Variants in ZNF83 observed in about 807,000 individuals in gnomAD.
ZNF83 encodes zinc finger protein 83, also known as zinc finger protein 816B.
For missense variants in ZNF83, 552 were observed against 629.9 expected (o/e 0.88, Z 1.32); for synonymous variants, 209 against 213.0 (o/e 0.98, Z 0.17).
chr19:52,626,678 C>T (rs2060749477), intron 2 of ZNF83, among the ~76,000 whole-genome samples: 1 of 151,830 alleles, frequency 6.6e-6, no homozygotes, highest in Non-Finnish European at 1.5e-5. Context: ...CCCACAGTAC[C>T]ATCCCCCGCA....
exon 3 of ZNF83, chr19:52,614,347 C>T (rs1480126548): frequency 1.9e-6 from 3 of 1,612,506 alleles, no homozygotes; most frequent in East Asian, 4.5e-5. Context: ...CACAAAATTA[C>T]ATTCATATGT....
At chr19:52,624,846 A>G (rs2060678914) in intron 2 of ZNF83, among the ~76,000 whole-genome samples, 1 of 151,604 alleles carries the variant, frequency 6.6e-6, no homozygotes, top group African/African-American at 2.4e-5. Flanking sequence ...TCCCAAATCT[A>G]TTTTCTTCCT....
chr19:52,687,651 A>ATG, intron 1 of ZNF83, among the ~76,000 whole-genome samples: 1 of 36,756 alleles, frequency 2.7e-5, no homozygotes. Flanking sequence ...ATATATATAT[A>ATG]TATATAATGT....
At chr19:52,670,505 T>G (rs1372267739) in intron 1 of ZNF83, among the ~76,000 whole-genome samples, 1 of 152,114 alleles carries the variant, frequency 6.6e-6, no homozygotes, top group Non-Finnish European at 1.5e-5. Context: ...AAAAGAAAAT[T>G]TTATATTTGG....
intron 3 of ZNF83, among the ~76,000 whole-genome samples, chr19:52,648,535 CA>C (rs778453781): frequency 1.2e-4 from 19 of 152,176 alleles, no homozygotes; most frequent in Non-Finnish European, 2.4e-4. Flanking sequence ...CTATGTTTTA[CA>C]AATGTCTGTA....
intron 1 of ZNF83, among the ~76,000 whole-genome samples, chr19:52,672,957 A>G (rs1342166900): frequency 6.6e-6 from 1 of 152,206 alleles, no homozygotes; most frequent in African/African-American, 2.4e-5. Flanking sequence ...CTATTATTTC[A>G]TAACACAACA....
At chr19:52,675,792 T>G (rs1238202734) in intron 1 of ZNF83, among the ~76,000 whole-genome samples, 1 of 152,186 alleles carries the variant, frequency 6.6e-6, no homozygotes, top group Non-Finnish European at 1.5e-5. Flanking sequence ...TCCACTAGGA[T>G]AGACCAAATC....
upstream of ZNF83, among the ~76,000 whole-genome samples, chr19:52,639,413 C>CTTTTTTTTTTTTTTTT (rs1206783591): frequency 1.9e-5 from 1 of 53,880 alleles, no homozygotes; most frequent in East Asian, 6.8e-4. Flanking sequence ...TTAGTTTTTT[C>CTTTTTTTTTTTTTTTT]TATTTTTTTT....
rs35106617 is a variant in ZNF83 at position 52,645,010 on chromosome 19, TAA to T, written c.-73-9859_-73-9858del. On this transcript the variant is annotated intron_variant, in intron 3 of 5. Coordinates refer to the ZNF83 transcript ENST00000594682. ...GGGCAACAAGAGCAAAACTCCATCTTAAAAAAAAAAAAAAAAAAAAAGGGGGT... is the reference window on the plus strand; with the variant it reads ...GGGCAACAAGAGCAAAACTCCATCTTAAAAAAAAAAAAAAAAAAAGGGGGT... 1.3e-3 allele frequency among the ~76,000 whole-genome samples: 144 copies of T among 111,110 alleles called. 1 individual carries two copies. Among genetic ancestry groups the T allele is most frequent in the East Asian group, 0.011 (43 of 3,968 alleles). 72.9% of individuals were successfully genotyped at this position (111,110 alleles called of 152,430 possible).
chr19:52,626,757 A>C (rs2147130280), intron 2 of ZNF83, among the ~76,000 whole-genome samples: 1 of 152,286 alleles, frequency 6.6e-6, no homozygotes. Context: ...TAAGGTGTCC[A>C]CGCAGCTCCT....
At chr19:52,631,756 A>C (rs2060970522) in intron 2 of ZNF83, among the ~76,000 whole-genome samples, 1 of 152,072 alleles carries the variant, frequency 6.6e-6, no homozygotes, top group African/African-American at 2.4e-5. Context: ...TGATTTATTG[A>C]TGGCGGTTCC....
chr19:52,624,377 A>C (rs986052449), intron 2 of ZNF83, among the ~76,000 whole-genome samples: 12 of 152,158 alleles, frequency 7.9e-5, no homozygotes, highest in Admixed American at 7.9e-4. Context: ...AACTGTGTCC[A>C]GCTGATCTCT....
chr19:52,635,360 G>A (rs191920070), intron 1 of ZNF83: 147 of 299,520 alleles, frequency 4.9e-4, no homozygotes, highest in African/African-American at 2.9e-3. Context: ...GTCCACACAC[G>A]CTGCAGCAGT....
chr19:52,677,818 G>C (rs1167469676), intron 1 of ZNF83, among the ~76,000 whole-genome samples: 1 of 151,986 alleles, frequency 6.6e-6, no homozygotes, highest in African/African-American at 2.4e-5. Context: ...TGGATCATGA[G>C]GTCAGGAGTT....
chr19:52,686,873 T>C (rs920949874), intron 1 of ZNF83, among the ~76,000 whole-genome samples: 3 of 151,912 alleles, frequency 2.0e-5, no homozygotes, highest in Non-Finnish European at 4.4e-5. Context: ...ACACCTGGCT[T>C]TGATGTCCAT....
At chr19:52,632,282 C>A (rs2060998169) in intron 2 of ZNF83, among the ~76,000 whole-genome samples, 1 of 152,174 alleles carries the variant, frequency 6.6e-6, no homozygotes, top group Non-Finnish European at 1.5e-5. Context: ...GACTAAAAGT[C>A]TTTTAAAAAC....
intron 1 of ZNF83, among the ~76,000 whole-genome samples, chr19:52,680,809 T>C (rs536160902): frequency 6.7e-6 from 1 of 149,686 alleles, no homozygotes; most frequent in South Asian, 2.1e-4. Context: ...AGACGGGGTT[T>C]CACCGTGTTA....
chr19:52,641,808 C>T (rs542858576), upstream of ZNF83, among the ~76,000 whole-genome samples: 2 of 152,240 alleles, frequency 1.3e-5, no homozygotes, highest in South Asian at 4.1e-4. Flanking sequence ...CAGGCGGTCC[C>T]GACCACAGGT....
At chr19:52,673,322 T>G (rs937022407) in intron 1 of ZNF83, among the ~76,000 whole-genome samples, 1 of 152,042 alleles carries the variant, frequency 6.6e-6, no homozygotes, top group Admixed American at 6.6e-5. Context: ...CTGACCAACA[T>G]GGTATAACCC....
Sources: allele counts gnomAD v4.1 joint callset (sites outside exome capture counted in the v4.1 genomes callset), GRCh38; gene constraint gnomAD v4.1.1; transcripts MANE v1.5; gene names NCBI Gene and HGNC (gene_info 2026-07-23, HGNC 2026-07-21).